The following GPC6 variants were observed in gnomAD, a reference collection of about 807,000 sequenced individuals.
GPC6 encodes glypican 6, also known as glypican-6.
GPC6 carries 14 observed loss-of-function variants against 55.2 expected under a neutral mutation model. The ratio of observed to expected loss-of-function variants is 0.25; its 90% CI spans 0.17 to 0.40. The LOEUF (loss-of-function observed/expected upper bound fraction) is 0.40, where lower values mean the gene tolerates loss of function less well. GPC6 is among the 10% of genes least tolerant of loss of function. The pLI is 1.00. For synonymous variants in GPC6, 278 were observed against 259.6 expected (o/e 1.07, Z -0.68); for missense variants, 641 against 708.5 (o/e 0.90, Z 1.08).
intron 1 of GPC6, among the ~76,000 whole-genome samples, chr13:93,345,249 T>C (rs1184417353): frequency 6.6e-6 from 1 of 152,052 alleles, no homozygotes; most frequent in Non-Finnish European, 1.5e-5. Context: ...GGGCTTATGA[T>C]GATCACCACC....
At chr13:93,903,588 T>C (rs1476042337) in intron 3 of GPC6, among the ~76,000 whole-genome samples, 1 of 152,226 alleles carries the variant, frequency 6.6e-6, no homozygotes, top group Non-Finnish European at 1.5e-5. Flanking sequence ...GATCTGTGTT[T>C]AAATTCCTAT....
At chr13:94,011,294 C>T (rs1882235903) in intron 3 of GPC6, among the ~76,000 whole-genome samples, 2 of 152,138 alleles carry the variant, frequency 1.3e-5, no homozygotes, top group South Asian at 4.1e-4. Context: ...ACAAATAAAA[C>T]TGGTGTCATC....
chr13:93,409,784 G>C (rs751661373), intron 1 of GPC6, among the ~76,000 whole-genome samples: 1 of 152,180 alleles, frequency 6.6e-6, no homozygotes, highest in Non-Finnish European at 1.5e-5. Flanking sequence ...CAATTAAGGG[G>C]CGGGAATAAT....
intron 3 of GPC6, among the ~76,000 whole-genome samples, chr13:93,833,104 TGATAGAGAGA>T (rs747075690): frequency 2.9e-4 from 18 of 61,598 alleles, no homozygotes; most frequent in Non-Finnish European, 4.6e-4. Context: ...GATAGGTAGA[TGATAGAGAGA>T]GAGAGAGAGA....
intron 4 of GPC6, among the ~76,000 whole-genome samples, chr13:94,054,397 A>C (rs543072974): frequency 6.6e-6 from 1 of 152,288 alleles, no homozygotes; most frequent in East Asian, 1.9e-4. Flanking sequence ...AGGGCCTGTT[A>C]AACCACAAAG....
At chr13:93,833,829 A>G (rs568024591) in intron 3 of GPC6, among the ~76,000 whole-genome samples, 153 of 152,262 alleles carry the variant, frequency 1.0e-3, no homozygotes, top group African/African-American at 3.6e-3. Context: ...GGATACAAAC[A>G]GTCTTTTTCT....
intron 4 of GPC6, among the ~76,000 whole-genome samples, chr13:94,041,200 T>C (rs1228177628): frequency 6.6e-6 from 1 of 151,840 alleles, no homozygotes. Context: ...AATGATAAAG[T>C]ATATGCCTCA....
chr13:93,380,396 G>T (rs190683246), intron 1 of GPC6, among the ~76,000 whole-genome samples: 4 of 152,232 alleles, frequency 2.6e-5, no homozygotes, highest in African/African-American at 9.6e-5. Flanking sequence ...AGAAATAAAG[G>T]TATTAATATA....
At chr13:93,818,545 C>G (rs1053166230) in intron 2 of GPC6, 1 of 152,288 alleles carries the variant, frequency 6.6e-6, no homozygotes, top group Non-Finnish European at 1.5e-5. Context: ...CTTTCCTCTT[C>G]CCATGGTATA....
At chr13:93,280,172 G>C (rs553669753) in intron 1 of GPC6, among the ~76,000 whole-genome samples, 6 of 152,254 alleles carry the variant, frequency 3.9e-5, no homozygotes, top group South Asian at 2.1e-4. Context: ...TCACATGTGG[G>C]GGGGGCCAGA....
chr13:93,590,468 G>C (rs1011870713), intron 2 of GPC6, among the ~76,000 whole-genome samples: 1 of 152,008 alleles, frequency 6.6e-6, no homozygotes, highest in African/African-American at 2.4e-5. Context: ...TTTTAAAATA[G>C]ATATTCTAGT....
chr13:93,570,247 A>G (rs1170159566), intron 2 of GPC6, among the ~76,000 whole-genome samples: 5 of 152,156 alleles, frequency 3.3e-5, no homozygotes, highest in Admixed American at 2.6e-4. Context: ...ATACTTCTGT[A>G]TTAATTATTG....
At position 93,781,993 on chromosome 13, in the gene GPC6, A is replaced by G. The variant is rs1274769239; in HGVS notation, c.320-48161A>G. Among the ~76,000 whole-genome samples the G allele has an allele frequency of 2.0e-5, 3 of 152,168 alleles. No homozygotes were observed. The East Asian group carries it at 5.8e-4, about 29-fold the overall frequency. ...TTTTAGCTATTTTCAAGTATACAGT[A>G]TATTGTTCTTAATTACAGTCATCAT... On this transcript the variant is annotated intron_variant, in intron 2 of 8. Transcript: ENST00000377047.
intron 2 of GPC6, among the ~76,000 whole-genome samples, chr13:93,765,144 A>G (rs1027566656): frequency 3.1e-5 from 4 of 130,656 alleles, no homozygotes; most frequent in East Asian, 2.3e-4. Context: ...TTATAGGTCC[A>G]TTTAGATATA....
At chr13:93,672,738 AT>A (rs1881423935) in intron 2 of GPC6, among the ~76,000 whole-genome samples, 2 of 150,438 alleles carry the variant, frequency 1.3e-5, no homozygotes, top group Admixed American at 6.6e-5. Context: ...CATATATAAA[AT>A]AAAATACATT....
chr13:93,375,465 T>C (rs570743111), intron 1 of GPC6, among the ~76,000 whole-genome samples: 12 of 152,324 alleles, frequency 7.9e-5, no homozygotes, highest in Non-Finnish European at 1.5e-4. Flanking sequence ...TAAGTGGGTC[T>C]GGGCCTTCCT....
At chr13:93,595,567 C>T (rs1038316037) in intron 2 of GPC6, among the ~76,000 whole-genome samples, 1 of 152,120 alleles carries the variant, frequency 6.6e-6, no homozygotes, top group Non-Finnish European at 1.5e-5. Flanking sequence ...TTCCAGGGCT[C>T]ATATGAATTG....
At chr13:93,973,958 C>T (rs1233170268) in intron 3 of GPC6, among the ~76,000 whole-genome samples, 3 of 152,208 alleles carry the variant, frequency 2.0e-5, no homozygotes, top group African/African-American at 7.2e-5. Flanking sequence ...TTCAACTCAA[C>T]TCTCCCTGAA....
In GPC6 at chr13:93,423,026, T is replaced by C. The variant is rs1402789385; in HGVS notation, c.161-122237T>C. On this transcript the variant is annotated intron_variant, in intron 1 of 8. Transcript: ENST00000377047. The stretch of plus-strand genomic sequence containing the variant: ...GCTGGGAGTCAGCATTGGGTAGTGG[T>C]TAGAAACAGACATGGTGGTCACACC... 1.5e-4 allele frequency among the ~76,000 whole-genome samples: 22 copies of C among 149,718 alleles called. No homozygotes were observed. The Admixed American group carries it at 1.5e-3, about 10-fold the overall frequency.
Sources: allele counts gnomAD v4.1 joint callset (sites outside exome capture counted in the v4.1 genomes callset), GRCh38; gene constraint gnomAD v4.1.1; transcripts MANE v1.5; gene names NCBI Gene and HGNC (gene_info 2026-07-23, HGNC 2026-07-21).